The following FOCAD variants were observed in gnomAD, a reference collection of about 807,000 sequenced individuals.
The protein encoded by FOCAD is KIAA1797.
In FOCAD, 198 loss-of-function variants were observed where a neutral mutation model predicts 225.6. That is an observed-to-expected ratio of 0.88 (90% CI 0.78 to 0.99). The LOEUF is 0.99. Among genes scored for constraint, FOCAD ranks in the 50% least tolerant of loss-of-function variants. The probability of loss-of-function intolerance (pLI) is 0.00; values close to 1 mark genes in which losing one functional copy is unlikely to be tolerated. For missense variants in FOCAD, 2,713 were observed against 2,123.6 expected (o/e 1.28, Z -5.46); for synonymous variants, 897 against 755.0 (o/e 1.19, Z -3.08).
chr9:20,763,717 A>T (rs1031092513), intron 6 of FOCAD, among the ~76,000 whole-genome samples: 1 of 152,190 alleles, frequency 6.6e-6, no homozygotes, highest in African/African-American at 2.4e-5. Flanking sequence ...AGTGTGGTTT[A>T]GTGGTGAATG....
At chr9:20,799,841 A>C (rs1386718338) in intron 11 of FOCAD, among the ~76,000 whole-genome samples, 1 of 152,014 alleles carries the variant, frequency 6.6e-6, no homozygotes, top group African/African-American at 2.4e-5. Flanking sequence ...CATTTAGCCC[A>C]TTTACATTTA....
intron 2 of FOCAD, among the ~76,000 whole-genome samples, chr9:20,674,754 C>T (rs1034943975): frequency 2.6e-5 from 4 of 152,156 alleles, no homozygotes; most frequent in South Asian, 2.1e-4. Flanking sequence ...TTTAGCATGG[C>T]GTTGAGCTGA....
At chr9:20,934,070 C>G (rs1835729640) in intron 28 of FOCAD, among the ~76,000 whole-genome samples, 1 of 151,804 alleles carries the variant, frequency 6.6e-6, no homozygotes, top group South Asian at 2.1e-4. Flanking sequence ...TTTTGTCTTG[C>G]TAATTTGTTT....
chr9:20,983,557 C>G (rs1217024985), intron 39 of FOCAD, among the ~76,000 whole-genome samples: 1 of 129,802 alleles, frequency 7.7e-6, no homozygotes, highest in African/African-American at 3.0e-5. Context: ...GGTGACAGAA[C>G]GAGACTCTGT....
At chr9:20,692,710 T>A (rs975682074) in intron 1 of FOCAD, among the ~76,000 whole-genome samples, 6 of 152,198 alleles carry the variant, frequency 3.9e-5, no homozygotes, top group African/African-American at 1.4e-4. Context: ...CTTTACGTAG[T>A]GGTGTAATGG....
At chr9:20,913,005 G>A (rs1283727387) in intron 23 of FOCAD, 51 bp downstream of exon 23, 5 of 1,453,748 alleles carry the variant, frequency 3.4e-6, no homozygotes, top group Admixed American at 3.6e-5. Context: ...AGTGAGCTAT[G>A]AGGGGAAAGG....
chr9:20,919,571 G>C (rs1371257819), intron 24 of FOCAD, among the ~76,000 whole-genome samples: 1 of 152,104 alleles, frequency 6.6e-6, no homozygotes, highest in Non-Finnish European at 1.5e-5. Flanking sequence ...ATACTACAAG[G>C]CTACAGTAAC....
chr9:20,830,239 G>A (rs1477709699), intron 15 of FOCAD, among the ~76,000 whole-genome samples: 1 of 151,880 alleles, frequency 6.6e-6, no homozygotes, highest in Non-Finnish European at 1.5e-5. Flanking sequence ...CTTTGCGATT[G>A]GTTAATGTAT....
At chr9:20,765,681 G>A (rs569696892) in intron 7 of FOCAD, among the ~76,000 whole-genome samples, 6 of 152,122 alleles carry the variant, frequency 3.9e-5, no homozygotes, top group Admixed American at 1.3e-4. Flanking sequence ...GATAAAACAC[G>A]GACACAGTTC....
intron 21 of FOCAD, among the ~76,000 whole-genome samples, chr9:20,891,591 C>G (rs1206576437): frequency 2.0e-5 from 3 of 152,148 alleles, no homozygotes; most frequent in Non-Finnish European, 4.4e-5. Context: ...AAAGTCTAAT[C>G]TAGAGGAAGA....
chr9:20,685,088 T>G (rs140151512), intron 1 of FOCAD, among the ~76,000 whole-genome samples: 1 of 152,356 alleles, frequency 6.6e-6, no homozygotes, highest in East Asian at 1.9e-4. Flanking sequence ...TCCAAACTTT[T>G]TTGATGGATG....
At chr9:20,771,771 C>T (rs746348187) in intron 8 of FOCAD, among the ~76,000 whole-genome samples, 12 of 152,128 alleles carry the variant, frequency 7.9e-5, no homozygotes, top group Non-Finnish European at 1.5e-4. Flanking sequence ...CATAAATAAA[C>T]AAATAAAATT....
Position 20,825,591 on chromosome 9 carries a change from T to G in FOCAD, c.1920+2476T>G, listed in dbSNP as rs58198309. ...GAGAATAAATTGAATAACTCTATCT[T>G]TAAGAAAATACCTTAGTTGGAAAAG... On this transcript the variant is annotated intron_variant, in intron 15 of 43. Coordinates refer to ENST00000338382, the MANE Select transcript of FOCAD (RefSeq NM_001375567.1). Among the ~76,000 whole-genome samples, 531 of 152,226 alleles carry G rather than the reference T, an allele frequency of 3.5e-3. 4 individuals are homozygous for G. The highest frequency in any genetic ancestry group is 9.8e-3 in the African/African-American group (407 of 41,554).
intron 8 of FOCAD, among the ~76,000 whole-genome samples, chr9:20,771,524 C>T (rs1291579464): frequency 2.0e-5 from 3 of 151,476 alleles, no homozygotes; most frequent in Non-Finnish European, 4.4e-5. Context: ...TTTGGGAGGC[C>T]GAGGCAGGCA....
Position 20,986,384 on chromosome 9 carries a change from C to T in FOCAD, c.4825C>T (p.Gln1609Ter). The T allele has an allele frequency of 1.2e-6, 2 of 1,611,206 alleles. No homozygotes were observed. Among genetic ancestry groups the T allele is most frequent in the Non-Finnish European group, 1.7e-6 (2 of 1,179,438 alleles). ...GACCGATATGCTGAGCGTTGCTGTG[C>T]AGCACCGTGAGAAAGAGGTGTTGGC... is the stretch of plus-strand genomic sequence containing the variant. ...NLTDMLSVAV[Q>*]HREKEVLAWM... is the part of the protein sequence containing the mutation. Residue 1609 changes from glutamine (Q) to a stop codon, truncating the protein, a stop_gained, in exon 40 of 44, where the codon CAG becomes TAG. Transcript: ENST00000338382. LOFTEE classifies it high-confidence loss of function.
At chr9:20,755,327 C>G (rs1252883721) in intron 5 of FOCAD, among the ~76,000 whole-genome samples, 2 of 152,190 alleles carry the variant, frequency 1.3e-5, no homozygotes, top group African/African-American at 4.8e-5. Context: ...ATAAAATCTG[C>G]TGAATCCAAT....
chr9:20,715,560 G>GA, intron 2 of FOCAD, 150 bp downstream of exon 2: 1 of 343,472 alleles, frequency 2.9e-6, no homozygotes, highest in African/African-American at 2.1e-5. Flanking sequence ...CATTTAATTT[G>GA]AAAATATATA....
At chr9:20,828,592 A>C (rs1033540546) in intron 15 of FOCAD, among the ~76,000 whole-genome samples, 1 of 152,048 alleles carries the variant, frequency 6.6e-6, no homozygotes, top group African/African-American at 2.4e-5. Context: ...CCTCACCAAC[A>C]CTTTTTTTTC....
chr9:20,768,074 A>G (rs1351596760), intron 7 of FOCAD, among the ~76,000 whole-genome samples: 1 of 150,268 alleles, frequency 6.7e-6, no homozygotes, highest in Non-Finnish European at 1.5e-5. Context: ...ACCATTTATT[A>G]AATAGGGAAT....
Sources: gnomAD v4.1 joint callset for allele counts (sites outside exome capture counted in the v4.1 genomes callset) on GRCh38, gnomAD v4.1.1 for gene constraint, MANE v1.5 for transcripts, NCBI Gene and HGNC (gene_info 2026-07-23, HGNC 2026-07-21) for gene names.